Variants in NELL1 observed in about 807,000 individuals in gnomAD.
NELL1 encodes the protein protein kinase C-binding protein NELL1.
Under a neutral mutation model 107.4 loss-of-function variants are expected in NELL1, and 76 were observed. The ratio of observed to expected loss-of-function variants is 0.71; its 90% CI spans 0.59 to 0.86. The LOEUF (loss-of-function observed/expected upper bound fraction) is 0.86, where lower values mean the gene tolerates loss of function less well. Among genes scored for constraint, NELL1 ranks in the 40% least tolerant of loss-of-function variants. The pLI, the probability that NELL1 is intolerant of heterozygous loss-of-function variation, is 0.00. For synonymous variants in NELL1, 353 were observed against 341.2 expected, an observed-to-expected ratio of 1.03 and a Z score of -0.38; for missense variants, 1,024 against 1,005.5, an observed-to-expected ratio of 1.02 and a Z score of -0.25.
At chr11:21,181,712 A>G (rs753842214) in intron 13 of NELL1, among the ~76,000 whole-genome samples, 1 of 151,910 alleles carries the variant, frequency 6.6e-6, no homozygotes, top group Non-Finnish European at 1.5e-5. Flanking sequence ...TTTTCTCTCT[A>G]TTATCGCAGG....
chr11:20,952,996 G>A (rs1324548798), intron 11 of NELL1, among the ~76,000 whole-genome samples: 3 of 152,148 alleles, frequency 2.0e-5, no homozygotes, highest in African/African-American at 7.2e-5. Context: ...CAAGAGCCCA[G>A]GCTTCTCCTG....
intron 14 of NELL1, among the ~76,000 whole-genome samples, chr11:21,322,292 A>G (rs1850028867): frequency 6.6e-6 from 1 of 151,998 alleles, no homozygotes; most frequent in Non-Finnish European, 1.5e-5. Context: ...TCTTTAGCTT[A>G]TTTCCCCATC....
chr11:20,718,474 T>A (rs11025707), intron 2 of NELL1, among the ~76,000 whole-genome samples: 45,323 of 151,498 alleles, frequency 0.3, 10,236 homozygotes, highest in African/African-American at 0.64. Context: ...TTTTTTTTTT[T>A]TTTATTTAAT....
At chr11:20,986,328 C>A (rs1052411684) in intron 12 of NELL1, among the ~76,000 whole-genome samples, 3 of 152,228 alleles carry the variant, frequency 2.0e-5, no homozygotes, top group Admixed American at 6.5e-5. Flanking sequence ...CATGACAGAT[C>A]TGCCCATGTT....
intron 13 of NELL1, among the ~76,000 whole-genome samples, chr11:21,197,628 C>T (rs1210587213): frequency 6.6e-6 from 1 of 152,032 alleles, no homozygotes; most frequent in Non-Finnish European, 1.5e-5. Flanking sequence ...CAAAATTGCC[C>T]CTTCTTGGGA....
chr11:21,207,782 G>T (rs982315280), intron 13 of NELL1, among the ~76,000 whole-genome samples: 3 of 152,120 alleles, frequency 2.0e-5, no homozygotes, highest in Non-Finnish European at 2.9e-5. Flanking sequence ...CAAAGAGTTT[G>T]CCAAACCTCT....
At chr11:20,708,842 C>T (rs1233303126) in intron 2 of NELL1, among the ~76,000 whole-genome samples, 1 of 152,082 alleles carries the variant, frequency 6.6e-6, no homozygotes, top group Non-Finnish European at 1.5e-5. Flanking sequence ...GCACCAGGGA[C>T]CAGTTGCATG....
At chr11:21,383,815 A>G (rs1378600327) in intron 15 of NELL1, 3 of 151,828 alleles carry the variant, frequency 2.0e-5, no homozygotes, top group African/African-American at 7.2e-5. Context: ...TACAATACCC[A>G]ATATTACTAA....
intron 7 of NELL1, 79 bp downstream of exon 7, chr11:20,919,413 G>A: frequency 2.3e-6 from 2 of 886,846 alleles, no homozygotes; most frequent in Non-Finnish European, 3.6e-6. Flanking sequence ...TGTTATAATG[G>A]AAACATTTTT....
chr11:21,245,046 C>G (rs568160060), intron 14 of NELL1, among the ~76,000 whole-genome samples: 13 of 152,240 alleles, frequency 8.5e-5, no homozygotes, highest in Admixed American at 6.5e-4. Context: ...TGCTTAAGAT[C>G]CTGCCATGCA....
At chr11:20,845,154 G>C (rs1848682126) in intron 3 of NELL1, among the ~76,000 whole-genome samples, 1 of 152,132 alleles carries the variant, frequency 6.6e-6, no homozygotes, top group East Asian at 1.9e-4. Context: ...TGCATGAGAT[G>C]CAGCACTTTT....
chr11:20,794,689 T>C (rs1857137204), intron 3 of NELL1, among the ~76,000 whole-genome samples: 1 of 152,014 alleles, frequency 6.6e-6, no homozygotes, highest in Non-Finnish European at 1.5e-5. Context: ...ATGCTGATGA[T>C]ACTGATAATG....
chr11:20,933,055 A>G (rs1044506269), intron 9 of NELL1, among the ~76,000 whole-genome samples: 1 of 152,222 alleles, frequency 6.6e-6, no homozygotes, highest in African/African-American at 2.4e-5. Flanking sequence ...GAAATAAACC[A>G]GTGTTGGTTT....
chr11:21,139,548 T>C (rs955637310), intron 13 of NELL1, among the ~76,000 whole-genome samples: 1 of 152,236 alleles, frequency 6.6e-6, no homozygotes, highest in African/African-American at 2.4e-5. Flanking sequence ...ACCTTAATCA[T>C]GATCTGTCTC....
Position 21,043,081 on chromosome 11 carries a change from G to GA in NELL1, c.1301-70502dup, listed in dbSNP as rs1263251102. ...GTGGTGGAAAAGGGGGCATGGCTAT[G>GA]AAAAAATATATTTTTAAAACAACTG... is the stretch of plus-strand genomic sequence containing the variant. On this transcript the variant is annotated intron_variant, in intron 12 of 19. Coordinates refer to ENST00000357134, the MANE Select transcript of NELL1 (RefSeq NM_006157.5). Among the ~76,000 whole-genome samples the GA allele has an allele frequency of 2.0e-5, 3 of 152,080 alleles. 1 individual carries two copies. The highest frequency in any genetic ancestry group is 4.8e-5 in the African/African-American group (2 of 41,430).
chr11:21,015,823 G>C lies in NELL1; in HGVS notation c.1300+55263G>C, dbSNP rs144774471. Among the ~76,000 whole-genome samples the C allele has an allele frequency of 2.8e-4, 43 of 152,182 alleles. No individual in the cohort carries two copies. The East Asian group carries it at 8.0e-3, about 28-fold the overall frequency. On this transcript the variant is annotated intron_variant, in intron 12 of 19. Transcript: ENST00000357134. ...GCCCCTCATAAGCCAGGCACGTCCT[G>C]TTGTCAACACAGTATATGCTCCATT... is the stretch of plus-strand genomic sequence containing the variant.
chr11:20,871,923 G>A (rs545903735), intron 4 of NELL1, among the ~76,000 whole-genome samples: 17 of 151,352 alleles, frequency 1.1e-4, no homozygotes, highest in African/African-American at 4.1e-4. Flanking sequence ...GGAGGCTGAG[G>A]TGGGAGAATG....
rs117795718 is a variant in NELL1, at chr11:21,568,076, C to G, written c.1981-2688C>G. 8.1e-3 allele frequency among the ~76,000 whole-genome samples: 1,230 copies of G among 151,826 alleles called. 32 individuals are homozygous for G. The highest frequency in any genetic ancestry group is 0.072 in the East Asian group (368 of 5,120). ...TCATTAGGCTTTTTCATCACTGTAT[C>G]AACATCATAGAGTATATTTAAACAA... On this transcript the variant is annotated intron_variant, in intron 17 of 19. Coordinates refer to ENST00000357134, the MANE Select transcript of NELL1 (RefSeq NM_006157.5).
intron 13 of NELL1, among the ~76,000 whole-genome samples, chr11:21,135,935 GC>G (rs1302075475): frequency 2.6e-5 from 4 of 152,088 alleles, no homozygotes; most frequent in South Asian, 2.1e-4. Flanking sequence ...TAGCACGTGA[GC>G]CCCCAGGATT....
Sources: gnomAD v4.1 joint callset for allele counts (sites outside exome capture counted in the v4.1 genomes callset) on GRCh38, gnomAD v4.1.1 for gene constraint, MANE v1.5 for transcripts, NCBI Gene and HGNC (gene_info 2026-07-23, HGNC 2026-07-21) for gene names.